TLK2: variants seen among roughly 807,000 people sequenced by gnomAD.
The protein encoded by TLK2 is tousled like kinase 2.
In TLK2, 6 loss-of-function variants were observed where a neutral mutation model predicts 117.3. The ratio of observed to expected loss-of-function variants is 0.05; its 90% CI spans 0.03 to 0.10. TLK2 has a LOEUF of 0.10. Among genes scored for constraint, TLK2 ranks in the 10% least tolerant of loss-of-function variants. The pLI is 1.00. For synonymous variants in TLK2, 257 were observed against 316.7 expected (o/e 0.81, Z 2.00); for missense variants, 299 against 901.2 (o/e 0.33, Z 8.56).
intron 13 of TLK2, among the ~76,000 whole-genome samples, chr17:62,577,012 G>T (rs1285963400): frequency 1.5e-5 from 2 of 129,520 alleles, no homozygotes; most frequent in African/African-American, 5.6e-5. Flanking sequence ...TCCCAGGCTG[G>T]AGTGCAGTGG....
chr17:62,496,174 A>T (rs1244489904), intron 2 of TLK2, among the ~76,000 whole-genome samples: 1 of 152,150 alleles, frequency 6.6e-6, no homozygotes, highest in Non-Finnish European at 1.5e-5. Flanking sequence ...ATGCAAGTAT[A>T]TTATATAAAC....
upstream of TLK2, among the ~76,000 whole-genome samples, chr17:62,474,263 A>G (rs1235546241): frequency 6.6e-6 from 1 of 151,184 alleles, no homozygotes; most frequent in African/African-American, 2.4e-5. Context: ...TATTTTTAGT[A>G]GAGACGGGGT....
intron 1 of TLK2, among the ~76,000 whole-genome samples, chr17:62,473,350 T>C (rs1299589875): frequency 1.3e-5 from 2 of 152,148 alleles, no homozygotes; most frequent in Non-Finnish European, 2.9e-5. Flanking sequence ...CAAATTGCTA[T>C]TGTCAGGCAC....
At chr17:62,533,648 T>A (rs2076913585) in intron 6 of TLK2, among the ~76,000 whole-genome samples, 1 of 151,894 alleles carries the variant, frequency 6.6e-6, no homozygotes, top group Non-Finnish European at 1.5e-5. Context: ...AGCTAATTTT[T>A]GTATTTTTAG....
At chr17:62,486,762 A>G (rs753164536) in intron 2 of TLK2, among the ~76,000 whole-genome samples, 6 of 152,208 alleles carry the variant, frequency 3.9e-5, no homozygotes, top group African/African-American at 7.2e-5. Flanking sequence ...CAGTACAACA[A>G]AAGCAATAAG....
chr17:62,570,083 A>G (rs2080153641), intron 11 of TLK2, among the ~76,000 whole-genome samples: 2 of 152,086 alleles, frequency 1.3e-5, no homozygotes, highest in African/African-American at 2.4e-5. Flanking sequence ...TCATAAGGAT[A>G]CCGGTCATAT....
At chr17:62,537,214 A>C (rs1285418077) in intron 7 of TLK2, among the ~76,000 whole-genome samples, 1 of 152,184 alleles carries the variant, frequency 6.6e-6, no homozygotes, top group African/African-American at 2.4e-5. Flanking sequence ...CACTCCACCA[A>C]CTGTGTTCAA....
intron 2 of TLK2, among the ~76,000 whole-genome samples, chr17:62,490,495 C>A (rs185156416): frequency 2.1e-3 from 314 of 152,270 alleles, no homozygotes; most frequent in African/African-American, 7.3e-3. Flanking sequence ...TCTTCTCTCT[C>A]TATACTCCCA....
At chr17:62,595,134 G>A (rs951555685) in intron 16 of TLK2, among the ~76,000 whole-genome samples, 2 of 152,002 alleles carry the variant, frequency 1.3e-5, no homozygotes, top group Non-Finnish European at 2.9e-5. Context: ...GCTAATTTTT[G>A]TATTTTTAGT....
chr17:62,536,472 A>G, intron 7 of TLK2, 135 bp downstream of exon 7: 2 of 984,370 alleles, frequency 2.0e-6, no homozygotes, highest in East Asian at 2.8e-5. Flanking sequence ...TCCCCTTATC[A>G]TCATTCCCAA....
At chr17:62,532,920 G>A (rs1433696357) in intron 6 of TLK2, among the ~76,000 whole-genome samples, 1 of 152,108 alleles carries the variant, frequency 6.6e-6, no homozygotes, top group Non-Finnish European at 1.5e-5. Context: ...AGCAGTTTGA[G>A]AGTACCAATT....
chr17:62,512,941 C>A (rs1337250988), intron 2 of TLK2, among the ~76,000 whole-genome samples: 1 of 148,590 alleles, frequency 6.7e-6, no homozygotes, highest in Non-Finnish European at 1.5e-5. Flanking sequence ...TGCAATGGTG[C>A]GATCTCAGCT....
intron 9 of TLK2, among the ~76,000 whole-genome samples, chr17:62,556,458 C>G (rs549795821): frequency 4.6e-5 from 7 of 152,168 alleles, no homozygotes; most frequent in Non-Finnish European, 8.8e-5. Context: ...TAAATTTTCT[C>G]TGCCTTACCG....
Position 62,560,114 on chromosome 17 carries a change from C to G in TLK2, c.819C>G (p.Leu273=). 6.2e-7 allele frequency: 1 copy of G among 1,606,562 alleles called. No homozygotes were observed. The highest frequency in any genetic ancestry group is 8.5e-7 in the Non-Finnish European group (1 of 1,176,188). Residue 273 remains leucine (L), a synonymous_variant, in exon 10 of 22, where the codon CTC becomes CTG. Coordinates refer to ENST00000346027, the MANE Select transcript of TLK2 (RefSeq NM_006852.6). ...LNRCVTMSKK[L]LIEKSKQEKM... ...GATGTGTGACAATGAGCAAGAAACT[C>G]CTTATAGAAAAGGTTAGTGAATAAT...
At chr17:62,496,435 G>A (rs2073692305) in intron 2 of TLK2, among the ~76,000 whole-genome samples, 1 of 151,914 alleles carries the variant, frequency 6.6e-6, no homozygotes, top group South Asian at 2.1e-4. Context: ...CCCTAGAAGT[G>A]GAATTGCTTT....
intron 9 of TLK2, among the ~76,000 whole-genome samples, chr17:62,554,692 A>G (rs1320991917): frequency 6.6e-6 from 1 of 152,118 alleles, no homozygotes; most frequent in Non-Finnish European, 1.5e-5. Flanking sequence ...ACCAGCATGC[A>G]TGACACAGCA....
intron 2 of TLK2, among the ~76,000 whole-genome samples, chr17:62,491,941 T>C (rs2073153082): frequency 6.6e-6 from 1 of 152,210 alleles, no homozygotes; most frequent in Non-Finnish European, 1.5e-5. Context: ...TTGCAAAGTA[T>C]TGGAGTAGGA....
intron 7 of TLK2, among the ~76,000 whole-genome samples, chr17:62,546,344 G>GTTTTTTTTTTTTTTTTT (rs61100480): frequency 0.068 from 1,578 of 23,292 alleles, 662 homozygotes; most frequent in Non-Finnish European, 0.11. Context: ...TTTGTTGATT[G>GTTTTTTTTTTTTTTTTT]TTTTTTTTTT....
upstream of TLK2, among the ~76,000 whole-genome samples, chr17:62,474,655 G>A (rs1233630852): frequency 1.3e-5 from 2 of 149,944 alleles, no homozygotes; most frequent in East Asian, 4.0e-4. Context: ...TGATCTGCCC[G>A]CCTCGGCCTA....
Sources: allele counts gnomAD v4.1 joint callset (sites outside exome capture counted in the v4.1 genomes callset), GRCh38; gene constraint gnomAD v4.1.1; transcripts MANE v1.5; gene names NCBI Gene and HGNC (gene_info 2026-07-23, HGNC 2026-07-21).